Variants in TEKT1 observed in about 807,000 individuals in gnomAD.
TEKT1 encodes the protein tektin 1, also known as tektin-1.
A neutral mutation model predicts 34.8 loss-of-function variants in TEKT1; 32 were observed. The ratio of observed to expected loss-of-function variants is 0.92; its 90% CI spans 0.69 to 1.23. The LOEUF is 1.23. Ranked by LOEUF, TEKT1 falls within the 50% of genes most tolerant of loss-of-function variation. TEKT1 has a pLI of 0.00. For missense variants in TEKT1, 492 were observed against 518.5 expected (o/e 0.95, Z 0.50); for synonymous variants, 207 against 199.8 (o/e 1.04, Z -0.30).
chr17:6,830,452 AT>A (rs1488441835), intron 1 of TEKT1, 59 bp from the exon 2 acceptor site: 3 of 1,174,708 alleles, frequency 2.6e-6, no homozygotes, highest in Admixed American at 6.5e-5. Flanking sequence ...TTTTATGATA[AT>A]TTTTATTCAA....
chr17:6,823,448 A>G (rs9895156), intron 2 of TEKT1, among the ~76,000 whole-genome samples: 9,359 of 152,248 alleles, frequency 0.061, 818 homozygotes, highest in African/African-American at 0.19. Context: ...ATGTGTGCAC[A>G]CGCATGTGCT....
chr17:6,801,964 A>T (rs1253258273), intron 6 of TEKT1, among the ~76,000 whole-genome samples: 1 of 152,210 alleles, frequency 6.6e-6, no homozygotes, highest in Non-Finnish European at 1.5e-5. Flanking sequence ...TTTAAAACTA[A>T]TCCCAGATAT....
In TEKT1 at chr17:6,798,015, A is replaced by C. The variant is rs2279983; in HGVS notation, c.*2012T>G. ...AGATTTACTAACAAAACATTGCTTT[A>C]TTGAAATCTTAGATGTTTCCGCATT... On this transcript the variant is annotated 3_prime_UTR_variant, in exon 8 of 8. Transcript: ENST00000338694. The C allele has an allele frequency of 0.11, 16,761 of 152,250 alleles. 1,394 individuals are homozygous for C. Among genetic ancestry groups the C allele is most frequent in the African/African-American group, 0.23 (9,708 of 41,534 alleles). The allele number at this position is 152,250 out of a possible 1,614,324, so 9.4% of individuals were successfully genotyped here.
intron 6 of TEKT1, among the ~76,000 whole-genome samples, chr17:6,807,994 CT>C (rs1327241548): frequency 6.6e-6 from 1 of 152,242 alleles, no homozygotes; most frequent in Non-Finnish European, 1.5e-5. Context: ...CTCTTCAAAG[CT>C]GTCGGACAGG....
intron 6 of TEKT1, 74 bp downstream of exon 6, chr17:6,812,757 A>AG: frequency 6.9e-7 from 1 of 1,451,660 alleles, no homozygotes; most frequent in Non-Finnish European, 9.5e-7. Context: ...GGTCTGGCCC[A>AG]GGGGGCATTC....
At chr17:6,805,727 C>A (rs1260521149) in intron 6 of TEKT1, among the ~76,000 whole-genome samples, 6 of 152,162 alleles carry the variant, frequency 3.9e-5, no homozygotes, top group Non-Finnish European at 8.8e-5. Context: ...GTTATGTACC[C>A]AGTAGTCATT....
chr17:6,814,769 C>T (rs565223029), intron 5 of TEKT1, among the ~76,000 whole-genome samples: 2 of 150,526 alleles, frequency 1.3e-5, no homozygotes, highest in African/African-American at 2.4e-5. Context: ...ACCCGGGAGA[C>T]GGAGCTTGCA....
chr17:6,825,998 TC>T (rs1474618538), intron 2 of TEKT1, among the ~76,000 whole-genome samples: 1 of 152,352 alleles, frequency 6.6e-6, no homozygotes, highest in Non-Finnish European at 1.5e-5. Context: ...ATGCATGTCT[TC>T]AACTGTAGTC....
intron 6 of TEKT1, among the ~76,000 whole-genome samples, chr17:6,802,028 C>A (rs917026959): frequency 6.6e-6 from 1 of 152,126 alleles, no homozygotes; most frequent in African/African-American, 2.4e-5. Flanking sequence ...TATTTCTAAG[C>A]ATAGGATTCT....
Position 6,800,783 on chromosome 17 carries a change from A to G in TEKT1, c.1013T>C (p.Met338Thr), listed in dbSNP as rs749411863. 1 of 1,613,822 alleles carries G rather than the reference A, an allele frequency of 6.2e-7. No homozygotes were observed. Among genetic ancestry groups the G allele is most frequent in the Non-Finnish European group, 8.5e-7 (1 of 1,179,870 alleles). ...LCRDVAQYRL[M>T]KEVQEITHNV... ...GTGGGTGATCTCTTGAACCTCCTTC[A>G]TTAGCCTATATTGTGCGACATCACG... is the stretch of plus-strand genomic sequence containing the variant. The change falls in exon 7 of 8, where the codon ATG (methionine) becomes ACG (threonine). Residue 338 changes from methionine to threonine, a missense_variant. Transcript: ENST00000338694.
chr17:6,819,353 T>G lies in TEKT1; in HGVS notation c.196A>C (p.Arg66=). ...QSDVNKKLEQ[R]LEEVQFWKKE... is the part of the protein sequence containing the mutation. Reference sequence around the variant, plus strand: ...TTCCAGAACTGGACTTCCTCGAGTCTCTGTTCTGAAGCACACGGGGAAGTT... The same window carrying G: ...TTCCAGAACTGGACTTCCTCGAGTCGCTGTTCTGAAGCACACGGGGAAGTT... Residue 66 remains arginine (R), a synonymous_variant, in exon 3 of 8, where the codon AGA becomes CGA. Transcript: ENST00000338694. 2 of 1,612,958 alleles carry G rather than the reference T, an allele frequency of 1.2e-6. No homozygotes were observed. The highest frequency in any genetic ancestry group is 1.7e-6 in the Non-Finnish European group (2 of 1,179,436).
rs117357875 is a variant in TEKT1 at position 6,798,847 on chromosome 17, T to G, written c.*1180A>C. The stretch of plus-strand genomic sequence containing the variant: ...GGAAGAGTTCCAGACGATATAGTCC[T>G]TTCCTTACTTTACAGGTGGTCCTAA... On this transcript the variant is annotated 3_prime_UTR_variant, in exon 8 of 8. Transcript: ENST00000338694. The G allele has an allele frequency of 0.043, 6,583 of 152,266 alleles. 172 individuals carry two copies. Among genetic ancestry groups the G allele is most frequent in the Middle Eastern group, 0.13 (39 of 292 alleles). 9.4% of individuals were successfully genotyped at this position (152,266 alleles called of 1,614,324 possible).
At position 6,798,873 on chromosome 17, in the gene TEKT1, A is replaced by G. The variant is rs1363223502; in HGVS notation, c.*1154T>C. 1.3e-5 allele frequency: 2 copies of G among 152,330 alleles called. No homozygotes were observed. Among genetic ancestry groups the G allele is most frequent in the East Asian group, 3.9e-4 (2 of 5,192 alleles). 9.4% of individuals were successfully genotyped at this position (152,330 alleles called of 1,614,324 possible). A position where few individuals can be genotyped will look rare whatever the true frequency, so the allele number is the denominator to read the frequency against. ...TTCCTTACTTTACAGGTGGTCCTAA[A>G]GAAGGAGAGAAACTTTCCTGGCAGT... On this transcript the variant is annotated 3_prime_UTR_variant, in exon 8 of 8. Transcript: ENST00000338694.
At chr17:6,830,459 T>C in intron 1 of TEKT1, 66 bp from the exon 2 acceptor site, 1 of 1,118,970 alleles carries the variant, frequency 8.9e-7, no homozygotes, top group Non-Finnish European at 1.2e-6. Context: ...ATAATTTTTA[T>C]TCAAGGATGA....
intron 6 of TEKT1, among the ~76,000 whole-genome samples, chr17:6,807,131 A>C (rs1387225450): frequency 6.6e-6 from 1 of 152,114 alleles, no homozygotes; most frequent in Non-Finnish European, 1.5e-5. Context: ...TGGTCTTTTC[A>C]CATAGTCCCA....
chr17:6,826,898 T>C (rs1193057790), intron 2 of TEKT1, among the ~76,000 whole-genome samples: 1 of 152,060 alleles, frequency 6.6e-6, no homozygotes, highest in African/African-American at 2.4e-5. Flanking sequence ...AGTTTCACCA[T>C]GCTAGCCAGG....
In TEKT1 at chr17:6,815,308, T is replaced by C. The variant is rs776630684; in HGVS notation, c.486-2A>G. 1 of 1,614,246 alleles carries C rather than the reference T, an allele frequency of 6.2e-7. No homozygotes were observed. The highest frequency in any genetic ancestry group is 1.1e-5 in the South Asian group (1 of 91,086). Reference sequence around the variant, plus strand: ...TTGTACTTGGCAGAGCGGTTCATCCTGAAGGGAGAAAGTAAACTGGGTTTC... The same window carrying C: ...TTGTACTTGGCAGAGCGGTTCATCCCGAAGGGAGAAAGTAAACTGGGTTTC... On this transcript the variant is annotated splice_acceptor_variant, in intron 4 of 7. Coordinates refer to ENST00000338694, the MANE Select transcript of TEKT1 (RefSeq NM_053285.2). LOFTEE classifies it high-confidence loss of function.
chr17:6,801,008 A>G, intron 6 of TEKT1, 65 bp from the exon 7 acceptor site: 1 of 1,459,158 alleles, frequency 6.9e-7, no homozygotes, highest in Non-Finnish European at 9.4e-7. Flanking sequence ...AGCTGACAGC[A>G]GATGGGTTGT....
In TEKT1 at chr17:6,831,700, C is replaced by A. The variant is rs1009091889; in HGVS notation, c.-69G>T. On this transcript the variant is annotated 5_prime_UTR_variant, in exon 1 of 8. Coordinates refer to ENST00000338694, the MANE Select transcript of TEKT1 (RefSeq NM_053285.2). ...AAGCTCGGGATGGGAGCCTCCTTACCCCAACTGGAGCTTCCAGCTCTTGCA... is the reference window on the plus strand; with the variant it reads ...AAGCTCGGGATGGGAGCCTCCTTACACCAACTGGAGCTTCCAGCTCTTGCA... The A allele has an allele frequency of 6.6e-6, 1 of 152,200 alleles. No homozygotes were observed. The highest frequency in any genetic ancestry group is 1.5e-5 in the Non-Finnish European group (1 of 68,094). 9.4% of individuals were successfully genotyped at this position (152,200 alleles called of 1,614,324 possible).
Sources: allele counts gnomAD v4.1 joint callset (sites outside exome capture counted in the v4.1 genomes callset), GRCh38; gene constraint gnomAD v4.1.1; transcripts MANE v1.5; gene names NCBI Gene and HGNC (gene_info 2026-07-23, HGNC 2026-07-21).